NFASC: variants seen among roughly 807,000 people sequenced by gnomAD.
NFASC encodes neurofascin homolog.
A neutral mutation model predicts 147.5 loss-of-function variants in NFASC; 43 were observed. The observed-to-expected ratio is 0.29, with a 90% CI of 0.23 to 0.38. NFASC has a LOEUF of 0.38. Among genes scored for constraint, NFASC ranks in the 10% least tolerant of loss-of-function variants. The pLI is 1.00. For synonymous variants in NFASC, 622 were observed against 665.5 expected, an observed-to-expected ratio of 0.93 and a Z score of 1.01; for missense variants, 1,320 against 1,689.0, an observed-to-expected ratio of 0.78 and a Z score of 3.83.
intron 2 of NFASC, among the ~76,000 whole-genome samples, chr1:204,922,923 A>C (rs1023112949): frequency 3.3e-5 from 5 of 152,222 alleles, no homozygotes; most frequent in Non-Finnish European, 5.9e-5. Flanking sequence ...CTCCCCGTGC[A>C]CCAGGCACTG....
chr1:204,841,421 G>C (rs1468970410), intron 1 of NFASC, among the ~76,000 whole-genome samples: 1 of 152,208 alleles, frequency 6.6e-6, no homozygotes, highest in Admixed American at 6.5e-5. Context: ...GTATTAGTTA[G>C]TGAGATAAGA....
rs769738723 is a variant in NFASC, at chr1:204,997,370, CCCA to C, written c.2992_2994del (p.Thr998del). On this transcript the variant is annotated inframe_deletion, in exon 25 of 30. Transcript: ENST00000339876. The stretch of plus-strand genomic sequence containing the variant: ...CGCCACCACCACCACGGAGAGTCCT[CCCA>C]CCACCACCTCCGGGACTAAGATACA... 6.4e-7 allele frequency: 1 copy of C among 1,553,900 alleles called. No homozygotes were observed. Among genetic ancestry groups the C allele is most frequent in the East Asian group, 2.4e-5 (1 of 40,916 alleles).
chr1:204,962,894 T>G (rs762607959), intron 8 of NFASC, among the ~76,000 whole-genome samples: 2 of 152,234 alleles, frequency 1.3e-5, no homozygotes, highest in Non-Finnish European at 2.9e-5. Flanking sequence ...TTGCTCAGTC[T>G]GATTAATAGG....
rs552834168 is a variant in NFASC, at chr1:205,000,898, C to T, written c.3020-272C>T. 318 of 510,134 alleles carry T rather than the reference C, an allele frequency of 6.2e-4. 1 individual carries two copies. The highest frequency in any genetic ancestry group is 5.8e-3 in the African/African-American group (301 of 51,634). 31.6% of individuals were successfully genotyped at this position (510,134 alleles called of 1,614,324 possible). A position where few individuals can be genotyped will look rare whatever the true frequency, so the allele number is the denominator to read the frequency against. The stretch of plus-strand genomic sequence containing the variant: ...TACCTATGTGGACACAGTCAGTTTC[C>T]AGCTCTCCCTCCGAAGTCCTCCCGA... On this transcript the variant is annotated intron_variant, in intron 25 of 29. Coordinates refer to ENST00000339876, the MANE Select transcript of NFASC (RefSeq NM_001005388.3).
intron 1 of NFASC, among the ~76,000 whole-genome samples, chr1:204,870,010 A>G (rs544617267): frequency 6.6e-6 from 1 of 152,292 alleles, no homozygotes; most frequent in Non-Finnish European, 1.5e-5. Context: ...TGTTTTTCCA[A>G]ACTCCCTTCT....
rs755096915 is a variant in NFASC, at chr1:204,881,642, G to T, written c.-199-38990G>T. Among the ~76,000 whole-genome samples the T allele has an allele frequency of 1.4e-4, 22 of 152,110 alleles. 1 individual carries two copies. The highest frequency in any genetic ancestry group is 6.3e-3 in the Middle Eastern group (2 of 316). On this transcript the variant is annotated intron_variant, in intron 1 of 29. Transcript: ENST00000339876. ...GCTTCAGTCTGATGGGGGGAACCAC[G>T]GGTTCCTGAAGAACACGGGATAGTA... is the stretch of plus-strand genomic sequence containing the variant.
intron 3 of NFASC, 105 bp downstream of exon 3, chr1:204,944,511 G>C (rs1394420661): frequency 3.7e-5 from 33 of 884,042 alleles, no homozygotes; most frequent in Non-Finnish European, 5.0e-5. Context: ...AGGAGATTGA[G>C]GAGAGGGGAC....
In NFASC at chr1:204,920,651, A is replaced by T. The variant is rs936195975; in HGVS notation, c.-180A>T. 1 of 1,288,968 alleles carries T rather than the reference A, an allele frequency of 7.8e-7. No individual in the cohort carries two copies. Among genetic ancestry groups the T allele is most frequent in the African/African-American group, 1.5e-5 (1 of 65,648 alleles). The allele number at this position is 1,288,968 out of a possible 1,614,324, so 79.8% of individuals were successfully genotyped here. The stretch of plus-strand genomic sequence containing the variant: ...AGACAGGTTGATTGACTTATGTGCA[A>T]TTTGGGACGCTGGAGTTTACCTTCC... On this transcript the variant is annotated 5_prime_UTR_variant, in exon 2 of 30. Coordinates refer to ENST00000339876, the MANE Select transcript of NFASC (RefSeq NM_001005388.3).
intron 1 of NFASC, among the ~76,000 whole-genome samples, chr1:204,864,175 A>G (rs1468548100): frequency 6.6e-6 from 1 of 152,184 alleles, no homozygotes; most frequent in Non-Finnish European, 1.5e-5. Context: ...AATATTTTCA[A>G]GGTTGAAATG....
intron 1 of NFASC, among the ~76,000 whole-genome samples, chr1:204,830,215 G>A (rs112479321): frequency 0.013 from 1,923 of 152,324 alleles, 36 homozygotes; most frequent in African/African-American, 0.044. Context: ...GCAAGCCACA[G>A]GGCTTTGAGA....
rs369577455 is a variant in NFASC, at chr1:204,997,170, C to T, written c.2783C>T (p.Ala928Val). Residue 928 changes from alanine (A) to valine (V), a missense_variant and splice_region_variant, in exon 25 of 30, where the codon GCT becomes GTT. Ala to Val is a moderately conservative substitution (Grantham distance 64). This residue lies in a region of NFASC where 981 missense variants were observed against 1,289.5 expected (regional missense o/e 0.76). Coordinates refer to ENST00000339876, the MANE Select transcript of NFASC (RefSeq NM_001005388.3). Reference sequence around the variant, plus strand: ...CGGCTGTTTTACATTTCCCTCTCAGCTCCTCCCACATTGCCCCCGACTACC... The same window carrying T: ...CGGCTGTTTTACATTTCCCTCTCAGTTCCTCCCACATTGCCCCCGACTACC... The part of the protein sequence containing the change: ...APPNEATPTA[A>V]PPTLPPTTVG... 2.5e-6 allele frequency: 4 copies of T among 1,608,196 alleles called. No individual in the cohort carries two copies. The highest frequency in any genetic ancestry group is 1.3e-5 in the African/African-American group (1 of 74,802).
intron 20 of NFASC, among the ~76,000 whole-genome samples, chr1:204,980,966 C>G (rs1015848055): frequency 1.3e-5 from 2 of 152,226 alleles, no homozygotes; most frequent in Admixed American, 6.5e-5. Context: ...TGCTGGCTCA[C>G]TGACTACATT....
rs758966488 is a variant in NFASC, at chr1:204,974,245, G to A, written c.1346G>A (p.Arg449Gln). ...LIRVILYNRT[R>Q]LDCPFFGSPI... ...CGAGTGATTCTTTACAACCGGACGC[G>A]GCTGGACTGCCCTTTCTTTGGGTCT... is the stretch of plus-strand genomic sequence containing the variant. Residue 449 changes from arginine to glutamine, a missense_variant, in exon 13 of 30, where the codon CGG becomes CAG. Around this residue, in one of 3 missense-constraint regions of NFASC, gnomAD observed 981 missense variants for 1,289.5 expected, o/e 0.76. Coordinates refer to ENST00000339876, the MANE Select transcript of NFASC (RefSeq NM_001005388.3). 35 of 1,614,010 alleles carry A rather than the reference G, an allele frequency of 2.2e-5. No homozygotes were observed. Among genetic ancestry groups the A allele is most frequent in the Admixed American group, 5.0e-5 (3 of 60,006 alleles).
At position 204,979,491 on chromosome 1, in the gene NFASC, T is replaced by C. The variant is rs756751244; in HGVS notation, c.2108T>C (p.Ile703Thr). The C allele has an allele frequency of 1.9e-6, 3 of 1,613,912 alleles. No homozygotes were observed. The highest frequency in any genetic ancestry group is 2.2e-5 in the East Asian group (1 of 44,880). Residue 703 changes from isoleucine to threonine, a missense_variant, in exon 19 of 30, where the codon ATT becomes ACT. Coordinates refer to ENST00000339876, the MANE Select transcript of NFASC (RefSeq NM_001005388.3). The surrounding 1 kb of genome is among the most constrained non-coding windows in gnomAD (Gnocchi z 6.0). ...TATGTCAACTACCAGTTCCGTGTCA[T>C]TGCCATCAACGAGGTTGGGAGCAGC... ...SPYVNYQFRV[I>T]AINEVGSSHP...
rs937808982 is a variant in NFASC at position 204,840,231 on chromosome 1, C to T, written c.-200+11449C>T. Among the ~76,000 whole-genome samples the T allele has an allele frequency of 3.3e-5, 5 of 152,288 alleles. No homozygotes were observed. In the South Asian group the frequency reaches 6.2e-4, roughly 19 times the overall value. On this transcript the variant is annotated intron_variant, in intron 1 of 29. Transcript: ENST00000339876. The stretch of plus-strand genomic sequence containing the variant: ...CTGCACTTTGATGGACAAGGCCCTA[C>T]GCATGGGTTCTCAACCCTGCCAACA...
intron 1 of NFASC, among the ~76,000 whole-genome samples, chr1:204,889,678 C>T (rs1358341406): frequency 6.6e-6 from 1 of 152,174 alleles, no homozygotes; most frequent in Non-Finnish European, 1.5e-5. Flanking sequence ...ACGTCCGCCC[C>T]CAGTGTGCAA....
intron 27 of NFASC, among the ~76,000 whole-genome samples, chr1:205,004,293 C>T (rs1352926982): frequency 6.6e-6 from 1 of 152,256 alleles, no homozygotes; most frequent in Non-Finnish European, 1.5e-5. Context: ...AGGCCCTGCC[C>T]TCAGGGATGT....
intron 21 of NFASC, among the ~76,000 whole-genome samples, chr1:204,985,149 C>T (rs1439762668): frequency 6.6e-6 from 1 of 152,212 alleles, no homozygotes; most frequent in African/African-American, 2.4e-5. Context: ...CCTACCTTGC[C>T]ACAGGCAGCC....
At chr1:205,011,214 C>CT (rs72501031) in intron 28 of NFASC, among the ~76,000 whole-genome samples, 1 of 151,492 alleles carries the variant, frequency 6.6e-6, no homozygotes, top group African/African-American at 2.4e-5. Context: ...AGGACCCCCC[C>CT]CAAAACTCAA....
Sources: gnomAD v4.1 joint callset for allele counts (sites outside exome capture counted in the v4.1 genomes callset) on GRCh38, gnomAD v4.1.1 for gene constraint, gnomAD v4.1.1 regional missense constraint, Gnocchi (gnomAD v3.1) non-coding constraint, MANE v1.5 for transcripts, NCBI Gene and HGNC (gene_info 2026-07-23, HGNC 2026-07-21) for gene names.